Variants in NLGN1 observed in about 807,000 individuals in gnomAD.
The protein encoded by NLGN1 is neuroligin 1.
In NLGN1, 12 loss-of-function variants were observed where a neutral mutation model predicts 65.5. The ratio of observed to expected loss-of-function variants is 0.18; its 90% CI spans 0.12 to 0.30. The LOEUF is 0.30. NLGN1 is among the 10% of genes least tolerant of loss of function. NLGN1 has a pLI of 1.00. For missense variants in NLGN1, 750 were observed against 1,007.1 expected, an observed-to-expected ratio of 0.74 and a Z score of 3.46; for synonymous variants, 350 against 359.5, an observed-to-expected ratio of 0.97 and a Z score of 0.30.
intron 4 of NLGN1, among the ~76,000 whole-genome samples, chr3:173,874,427 T>C (rs940117333): frequency 3.3e-5 from 5 of 152,230 alleles, no homozygotes; most frequent in Non-Finnish European, 7.3e-5. Context: ...ATTTTTTACA[T>C]GTAAGGCTTA....
chr3:173,927,514 C>T (rs1011246920), intron 4 of NLGN1, among the ~76,000 whole-genome samples: 1 of 152,150 alleles, frequency 6.6e-6, no homozygotes, highest in Non-Finnish European at 1.5e-5. Flanking sequence ...AGTCTCTCCT[C>T]CTGCTCTTCC....
intron 3 of NLGN1, among the ~76,000 whole-genome samples, chr3:173,670,931 CAAATA>C: frequency 6.6e-6 from 1 of 152,268 alleles, no homozygotes; most frequent in East Asian, 1.9e-4. Context: ...TAAATGTACT[CAAATA>C]AATTACCTAA....
intron 3 of NLGN1, among the ~76,000 whole-genome samples, chr3:173,676,149 G>T (rs1388974528): frequency 1.3e-5 from 2 of 151,976 alleles, no homozygotes; most frequent in Non-Finnish European, 2.9e-5. Flanking sequence ...ATAATAATAA[G>T]ATATAGCAAA....
chr3:174,017,776 A>C lies in NLGN1; in HGVS notation c.646+209944A>C, dbSNP rs1227722938. Among the ~76,000 whole-genome samples the C allele has an allele frequency of 2.6e-5, 4 of 152,138 alleles. No individual in the cohort carries two copies. The East Asian group carries it at 5.8e-4, about 22-fold the overall frequency. On this transcript the variant is annotated intron_variant, in intron 4 of 6. Transcript: ENST00000457714. ...GTGGGTCACAGAGATCACATGCTTC[A>C]CAAGGTAATAAAATATTACAAGGCA...
intron 2 of NLGN1, among the ~76,000 whole-genome samples, chr3:173,549,288 T>C (rs1460696170): frequency 6.6e-6 from 1 of 151,962 alleles, no homozygotes; most frequent in African/African-American, 2.4e-5. Context: ...TAGAGTGTTA[T>C]TACAACATAT....
chr3:173,603,150 A>G (rs1750817898), intron 2 of NLGN1, among the ~76,000 whole-genome samples: 1 of 152,130 alleles, frequency 6.6e-6, no homozygotes, highest in Non-Finnish European at 1.5e-5. Flanking sequence ...ATCTTCCCAT[A>G]ATATACAGGA....
rs139984021 is a variant in NLGN1, at chr3:173,478,457, C to T, written c.-321+43379C>T. Among the ~76,000 whole-genome samples the T allele has an allele frequency of 5.3e-5, 8 of 152,158 alleles. No individual in the cohort carries two copies. In the East Asian group the frequency reaches 1.5e-3, roughly 29 times the overall value. On this transcript the variant is annotated intron_variant, in intron 2 of 6. Transcript: ENST00000457714. ...AGCTAATGCATACAGGGCTTAACAC[C>T]TAGGTGATACATTGATAGGTGCAGC...
intron 2 of NLGN1, among the ~76,000 whole-genome samples, chr3:173,499,565 A>C (rs1047558640): frequency 4.0e-5 from 6 of 151,778 alleles, no homozygotes; most frequent in Admixed American, 3.9e-4. Flanking sequence ...TATGAAGTTT[A>C]AAGTAGTTTT....
chr3:174,202,436 C>A (rs150179619), intron 4 of NLGN1, among the ~76,000 whole-genome samples: 2 of 150,902 alleles, frequency 1.3e-5, no homozygotes, highest in Non-Finnish European at 2.9e-5. Context: ...TATTCCTGAG[C>A]GTCAGGGTGT....
At chr3:173,833,451 A>T (rs995601432) in intron 4 of NLGN1, among the ~76,000 whole-genome samples, 1 of 152,108 alleles carries the variant, frequency 6.6e-6, no homozygotes, top group African/African-American at 2.4e-5. Flanking sequence ...TACTAAAAAA[A>T]ATTAGTTTTT....
chr3:173,628,440 T>C (rs982907277), intron 3 of NLGN1, among the ~76,000 whole-genome samples: 2 of 151,958 alleles, frequency 1.3e-5, no homozygotes, highest in African/African-American at 4.8e-5. Flanking sequence ...TATGATTCAA[T>C]AAAAATAAAG....
At chr3:173,423,142 G>A (rs1298121191) in intron 1 of NLGN1, among the ~76,000 whole-genome samples, 1 of 152,086 alleles carries the variant, frequency 6.6e-6, no homozygotes, top group Non-Finnish European at 1.5e-5. Context: ...CAGATCTCAC[G>A]AGAACTCTCT....
At chr3:173,809,499 A>G (rs1189224930) in intron 4 of NLGN1, among the ~76,000 whole-genome samples, 2 of 152,224 alleles carry the variant, frequency 1.3e-5, no homozygotes, top group African/African-American at 4.8e-5. Flanking sequence ...GAAACTTTAA[A>G]TTGAAATGCT....
intron 4 of NLGN1, among the ~76,000 whole-genome samples, chr3:174,212,270 G>A (rs1331034284): frequency 6.6e-6 from 1 of 152,198 alleles, no homozygotes; most frequent in African/African-American, 2.4e-5. Flanking sequence ...CTCTGAGTGC[G>A]GGGCCCTCCA....
intron 4 of NLGN1, among the ~76,000 whole-genome samples, chr3:173,971,896 G>T (rs972788588): frequency 6.6e-6 from 1 of 151,954 alleles, no homozygotes; most frequent in Non-Finnish European, 1.5e-5. Context: ...TAGGCTACTG[G>T]CCTAAGCAGC....
rs188389906 is a variant in NLGN1, at chr3:173,668,656, G to A, written c.493+63565G>A. Among the ~76,000 whole-genome samples the A allele has an allele frequency of 1.4e-4, 19 of 137,232 alleles. No homozygotes were observed. In the East Asian group the frequency reaches 2.3e-3, roughly 17 times the overall value. The allele number at this position is 137,232 out of a possible 152,430, so 90.0% of individuals were successfully genotyped here. A position where few individuals can be genotyped will look rare whatever the true frequency, so the allele number is the denominator to read the frequency against. ...TTTTTTTAAGACAGAGTCTCACTCC[G>A]TCACCCAGGCTGGATGGAGTGCAGT... On this transcript the variant is annotated intron_variant, in intron 3 of 6. Coordinates refer to ENST00000457714, the Ensembl canonical transcript of NLGN1.
chr3:174,020,379 T>G, intron 4 of NLGN1, among the ~76,000 whole-genome samples: 1 of 152,084 alleles, frequency 6.6e-6, no homozygotes, highest in African/African-American at 2.4e-5. Context: ...TGTCCCCAAG[T>G]GACTGATGGA....
chr3:174,136,405 G>A (rs1301804536), intron 4 of NLGN1: 1 of 152,072 alleles, frequency 6.6e-6, no homozygotes, highest in African/African-American at 2.4e-5. Context: ...TTAGGTCATT[G>A]TTTTGTGAGG....
intron 4 of NLGN1, among the ~76,000 whole-genome samples, chr3:173,956,052 A>G (rs978227299): frequency 2.0e-5 from 3 of 152,174 alleles, no homozygotes; most frequent in African/African-American, 7.2e-5. Context: ...AACTTTATAC[A>G]ATAAGCTTTC....
Sources: gnomAD v4.1 joint callset for allele counts (sites outside exome capture counted in the v4.1 genomes callset) on GRCh38, gnomAD v4.1.1 for gene constraint, MANE v1.5 for transcripts, NCBI Gene and HGNC (gene_info 2026-07-23, HGNC 2026-07-21) for gene names.